Variants in FRMD4B observed in about 807,000 individuals in gnomAD.
FRMD4B encodes FERM domain containing 4B.
A neutral mutation model predicts 141.5 loss-of-function variants in FRMD4B; 74 were observed. The observed-to-expected ratio is 0.52, with a 90% confidence interval of 0.43 to 0.63. The LOEUF is 0.63. Among genes scored for constraint, FRMD4B ranks in the 30% least tolerant of loss-of-function variants. The pLI, the probability that FRMD4B is intolerant of heterozygous loss-of-function variation, is 0.00. For synonymous variants in FRMD4B, 506 were observed against 467.9 expected (o/e 1.08, Z -1.05); for missense variants, 1,366 against 1,253.4 (o/e 1.09, Z -1.36).
chr3:69,489,627 A>G (rs550855190), intron 1 of FRMD4B, among the ~76,000 whole-genome samples: 1 of 152,340 alleles, frequency 6.6e-6, no homozygotes, highest in Non-Finnish European at 1.5e-5. Flanking sequence ...ACCTTCACAC[A>G]CTGCTGGTGT....
intron 7 of FRMD4B, among the ~76,000 whole-genome samples, chr3:69,224,900 A>G (rs201868303): frequency 0.012 from 249 of 21,562 alleles, 2 homozygotes; most frequent in Middle Eastern, 0.029. Flanking sequence ...TTTTCTGCAC[A>G]TGTCTATTTT....
chr3:69,356,816 G>A (rs2107453609), intron 1 of FRMD4B, among the ~76,000 whole-genome samples: 1 of 152,122 alleles, frequency 6.6e-6, no homozygotes, highest in South Asian at 2.1e-4. Flanking sequence ...ATGCCAGACA[G>A]AAGAGTTGGA....
chr3:69,439,178 G>C (rs1461456718), intron 1 of FRMD4B, among the ~76,000 whole-genome samples: 1 of 152,006 alleles, frequency 6.6e-6, no homozygotes, highest in African/African-American at 2.4e-5. Flanking sequence ...GGTTTTTTGC[G>C]ATCTAGATTA....
intron 1 of FRMD4B, among the ~76,000 whole-genome samples, chr3:69,481,175 T>C (rs1706117399): frequency 6.6e-6 from 1 of 152,198 alleles, no homozygotes; most frequent in African/African-American, 2.4e-5. Flanking sequence ...AGTGAGGTAA[T>C]GCCTCGCCCT....
chr3:69,292,893 T>TA (rs1404201213), intron 4 of FRMD4B: 1 of 290,908 alleles, frequency 3.4e-6, no homozygotes, highest in Non-Finnish European at 6.9e-6. Flanking sequence ...AAGGTTTTCT[T>TA]AAGTTGAAGC....
chr3:69,253,447 T>C (rs1387754008), intron 5 of FRMD4B, among the ~76,000 whole-genome samples: 1 of 152,144 alleles, frequency 6.6e-6, no homozygotes, highest in Non-Finnish European at 1.5e-5. Context: ...TTGCTGGGAC[T>C]GTATGTTATC....
chr3:69,200,290 G>C (rs1437022016), intron 11 of FRMD4B: 3 of 375,856 alleles, frequency 8.0e-6, no homozygotes, highest in Non-Finnish European at 1.1e-5. Context: ...CAGCCCTCCG[G>C]GGTCCGCACA....
chr3:69,404,942 T>C (rs1559517980), intron 2 of FRMD4B, among the ~76,000 whole-genome samples: 2 of 152,284 alleles, frequency 1.3e-5, no homozygotes, highest in Admixed American at 6.5e-5. Flanking sequence ...CAGGCAGGAA[T>C]GAAAGAGATT....
chr3:69,218,227 A>AAG, intron 10 of FRMD4B, 95 bp downstream of exon 10: 1 of 655,456 alleles, frequency 1.5e-6, no homozygotes, highest in Non-Finnish European at 2.7e-6. Context: ...TACAAAAGGC[A>AAG]AGATATAATC....
At chr3:69,387,236 T>C (rs1312057820), upstream of FRMD4B, among the ~76,000 whole-genome samples, 1 of 152,086 alleles carries the variant, frequency 6.6e-6, no homozygotes, top group Non-Finnish European at 1.5e-5. Context: ...GATGAAGTGA[T>C]CCATCTTCCC....
chr3:69,186,988 A>G (rs1017300717), intron 19 of FRMD4B, among the ~76,000 whole-genome samples: 1 of 152,108 alleles, frequency 6.6e-6, no homozygotes, highest in African/African-American at 2.4e-5. Context: ...TATTTACCTG[A>G]GATATTTGAG....
Position 69,193,887 on chromosome 3 carries a change from A to G in FRMD4B, c.1489-14T>C, listed in dbSNP as rs554330118. The G allele has an allele frequency of 3.9e-4, 582 of 1,505,396 alleles. 3 individuals carry two copies. The South Asian group carries it at 6.5e-3, about 17-fold the overall frequency. 93.3% of individuals were successfully genotyped at this position (1,505,396 alleles called of 1,614,324 possible). ...CAAAGCAGGATCCTGCATTTATACA[A>G]TGATAGTTTTATTTTTATGGACACA... On this transcript the variant is annotated splice_polypyrimidine_tract_variant and intron_variant, in intron 16 of 22. Coordinates refer to ENST00000398540, the MANE Select transcript of FRMD4B (RefSeq NM_015123.3).
intron 4 of FRMD4B, among the ~76,000 whole-genome samples, chr3:69,296,964 C>T (rs1482601348): frequency 1.3e-5 from 2 of 152,300 alleles, no homozygotes; most frequent in East Asian, 3.9e-4. Flanking sequence ...TAGTTTCCAT[C>T]TGTACAGACG....
At position 69,410,730 on chromosome 3, in the gene FRMD4B, T is replaced by TAA. The variant is rs1559519806; in HGVS notation, c.-1+21903_-1+21904insTT. Among the ~76,000 whole-genome samples, 34 of 7,556 alleles carry TAA rather than the reference T, an allele frequency of 4.5e-3. 1 individual carries two copies. Among genetic ancestry groups the TAA allele is most frequent in the African/African-American group, 0.021 (30 of 1,458 alleles). 5.0% of individuals were successfully genotyped at this position (7,556 alleles called of 152,430 possible). A position where few individuals can be genotyped will look rare whatever the true frequency, so the allele number is the denominator to read the frequency against. ...ATATAAATAAATAAATAAATAAATATATATATATATATATATATATATATA... is the reference window on the plus strand; with the variant it reads ...ATATAAATAAATAAATAAATAAATATAAATATATATATATATATATATATATA... On this transcript the variant is annotated intron_variant, in intron 2 of 5. Transcript: ENST00000459638.
At chr3:69,273,599 A>G (rs1416818209) in intron 5 of FRMD4B, among the ~76,000 whole-genome samples, 1 of 152,254 alleles carries the variant, frequency 6.6e-6, no homozygotes, top group Non-Finnish European at 1.5e-5. Flanking sequence ...ATTGTTACTC[A>G]GAATTGATTT....
intron 3 of FRMD4B, among the ~76,000 whole-genome samples, chr3:69,310,772 AAGAT>A (rs1559796476): frequency 6.6e-6 from 1 of 152,212 alleles, no homozygotes; most frequent in Non-Finnish European, 1.5e-5. Context: ...AAAAAAGAAA[AAGAT>A]AGTTGAGAAG....
chr3:69,172,813 A>G (rs1161622616), intron 22 of FRMD4B, among the ~76,000 whole-genome samples: 1 of 152,192 alleles, frequency 6.6e-6, no homozygotes, highest in Non-Finnish European at 1.5e-5. Flanking sequence ...AGGTTAAGAG[A>G]GATTAGACAG....
At chr3:69,358,512 G>C (rs1406507900) in intron 1 of FRMD4B, among the ~76,000 whole-genome samples, 5 of 152,154 alleles carry the variant, frequency 3.3e-5, no homozygotes, top group Non-Finnish European at 5.9e-5. Flanking sequence ...AAAAAAAACA[G>C]ATTGCTTGAG....
intron 18 of FRMD4B, among the ~76,000 whole-genome samples, chr3:69,188,713 C>T (rs535225125): frequency 8.5e-5 from 12 of 141,238 alleles, no homozygotes; most frequent in Non-Finnish European, 1.7e-4. Context: ...GCCGAGATTG[C>T]GCCACTGCAG....
Sources: gnomAD v4.1 joint callset for allele counts (sites outside exome capture counted in the v4.1 genomes callset) on GRCh38, gnomAD v4.1.1 for gene constraint, MANE v1.5 for transcripts, NCBI Gene and HGNC (gene_info 2026-07-23, HGNC 2026-07-21) for gene names.